The following NOVA1 variants were observed in gnomAD, a reference collection of about 807,000 sequenced individuals.
NOVA1 encodes the protein NOVA alternative splicing regulator 1, also known as RNA-binding protein Nova-1.
A neutral mutation model predicts 38.0 loss-of-function variants in NOVA1; 7 were observed. The observed-to-expected ratio is 0.18, with a 90% CI of 0.10 to 0.35. The LOEUF is 0.35. NOVA1 is among the 10% of genes least tolerant of loss of function. The pLI is 1.00. For missense variants in NOVA1, 460 were observed against 616.0 expected (o/e 0.75, Z 2.68); for synonymous variants, 270 against 232.5 (o/e 1.16, Z -1.47).
chr14:26,505,140 T>C (rs536902458), intron 2 of NOVA1, among the ~76,000 whole-genome samples: 30 of 152,264 alleles, frequency 2.0e-4, no homozygotes, highest in South Asian at 4.1e-4. Flanking sequence ...CAAAACATTA[T>C]TACATATGTA....
At chr14:26,555,345 T>C (rs1420902349) in intron 2 of NOVA1, among the ~76,000 whole-genome samples, 1 of 152,116 alleles carries the variant, frequency 6.6e-6, no homozygotes, top group African/African-American at 2.4e-5. Context: ...ATGCATGGCC[T>C]TGTCTCTTTT....
intron 2 of NOVA1, among the ~76,000 whole-genome samples, chr14:26,503,851 T>C (rs1294339298): frequency 6.6e-6 from 1 of 152,036 alleles, no homozygotes; most frequent in Non-Finnish European, 1.5e-5. Context: ...ATGAATGAAA[T>C]GAAAAAATTT....
At chr14:26,534,721 C>T (rs1889951599) in intron 2 of NOVA1, among the ~76,000 whole-genome samples, 1 of 152,066 alleles carries the variant, frequency 6.6e-6, no homozygotes, top group South Asian at 2.1e-4. Flanking sequence ...AGGAGACCTA[C>T]AGATGTGCCT....
At chr14:26,503,916 T>A (rs950333162) in intron 2 of NOVA1, among the ~76,000 whole-genome samples, 18 of 152,232 alleles carry the variant, frequency 1.2e-4, no homozygotes, top group African/African-American at 4.1e-4. Context: ...GTATGTTTGG[T>A]GCTTCTTTAA....
intron 3 of NOVA1, among the ~76,000 whole-genome samples, chr14:26,476,407 T>G (rs1009477263): frequency 6.6e-6 from 1 of 152,198 alleles, no homozygotes; most frequent in Non-Finnish European, 1.5e-5. Flanking sequence ...AGGATGTCCT[T>G]TGATTAGACA....
intron 4 of NOVA1, among the ~76,000 whole-genome samples, chr14:26,453,325 A>G (rs1032487309): frequency 2.2e-4 from 34 of 152,166 alleles, no homozygotes; most frequent in African/African-American, 7.7e-4. Flanking sequence ...CACCTGGTTC[A>G]GCCTCCTGAG....
intron 4 of NOVA1, among the ~76,000 whole-genome samples, chr14:26,455,151 T>C (rs1262284700): frequency 6.6e-6 from 1 of 152,116 alleles, no homozygotes; most frequent in Non-Finnish European, 1.5e-5. Context: ...GCAGAACAGT[T>C]TTCATAGCAT....
At chr14:26,539,458 A>C (rs1890311840) in intron 2 of NOVA1, among the ~76,000 whole-genome samples, 1 of 152,172 alleles carries the variant, frequency 6.6e-6, no homozygotes, top group South Asian at 2.1e-4. Flanking sequence ...ACTGACTTGA[A>C]AAGTTCTTTT....
intron 2 of NOVA1, among the ~76,000 whole-genome samples, chr14:26,502,326 T>C (rs1187076043): frequency 6.6e-6 from 1 of 151,870 alleles, no homozygotes; most frequent in Non-Finnish European, 1.5e-5. Context: ...GACTTTGGGA[T>C]CTTAATTTAA....
At chr14:26,546,413 CTATT>C (rs1890791835) in intron 2 of NOVA1, among the ~76,000 whole-genome samples, 1 of 151,966 alleles carries the variant, frequency 6.6e-6, no homozygotes, top group Non-Finnish European at 1.5e-5. Flanking sequence ...AAAAAATTAT[CTATT>C]TGAGAGGGAT....
chr14:26,521,964 G>A (rs994410103), intron 2 of NOVA1, among the ~76,000 whole-genome samples: 2 of 151,996 alleles, frequency 1.3e-5, no homozygotes, highest in African/African-American at 2.4e-5. Context: ...CAAAGTCAGT[G>A]TTCCTTATCA....
At position 26,487,631 on chromosome 14, in the gene NOVA1, TCCTAAGAATGTAATATTAGG is replaced by T. The variant is rs1886021486; in HGVS notation, c.281-7508_281-7489del. ...ATTTTTTATCATTATACCACATACCTCCTAAGAATGTAATATTAGGCCAGATAGCAAATTTAACACATTTA... is the reference window on the plus strand; with the variant it reads ...ATTTTTTATCATTATACCACATACCTCCAGATAGCAAATTTAACACATTTA... On this transcript the variant is annotated intron_variant, in intron 2 of 4. Coordinates refer to ENST00000539517, the MANE Select transcript of NOVA1 (RefSeq NM_002515.3). Among the ~76,000 whole-genome samples, 3 of 152,222 alleles carry T rather than the reference TCCTAAGAATGTAATATTAGG, an allele frequency of 2.0e-5. No individual in the cohort carries two copies. In the South Asian group the frequency reaches 6.2e-4, roughly 32 times the overall value.
intron 2 of NOVA1, among the ~76,000 whole-genome samples, chr14:26,581,652 T>C (rs1391139848): frequency 6.6e-6 from 1 of 151,976 alleles, no homozygotes; most frequent in East Asian, 1.9e-4. Flanking sequence ...TGGCAAAATT[T>C]TTGTAGGATT....
intron 2 of NOVA1, among the ~76,000 whole-genome samples, chr14:26,501,907 A>T (rs561589758): frequency 6.6e-6 from 1 of 152,128 alleles, no homozygotes; most frequent in Admixed American, 6.5e-5. Flanking sequence ...AATAAAGATA[A>T]GGAATAAACT....
chr14:26,519,881 T>C (rs927761330), intron 2 of NOVA1, among the ~76,000 whole-genome samples: 2 of 152,110 alleles, frequency 1.3e-5, no homozygotes, highest in African/African-American at 4.8e-5. Flanking sequence ...CAGAAAAAAG[T>C]TATGTTAAAT....
At chr14:26,488,678 T>C (rs568229580) in intron 2 of NOVA1, among the ~76,000 whole-genome samples, 3 of 152,336 alleles carry the variant, frequency 2.0e-5, no homozygotes, top group African/African-American at 7.2e-5. Flanking sequence ...TATAACCTTT[T>C]AATTTCCACA....
At chr14:26,550,772 G>C (rs1891109907) in intron 2 of NOVA1, among the ~76,000 whole-genome samples, 1 of 152,022 alleles carries the variant, frequency 6.6e-6, no homozygotes, top group African/African-American at 2.4e-5. Flanking sequence ...TTGTGACAAA[G>C]TCCAACAAAC....
chr14:26,597,161 G>A, intron 1 of NOVA1, 140 bp downstream of exon 1: 1 of 1,187,318 alleles, frequency 8.4e-7, no homozygotes, highest in Non-Finnish European at 1.1e-6. Context: ...GGGCAGGGGC[G>A]CAGGGGCCGC....
chr14:26,483,992 A>AT (rs977699366), intron 2 of NOVA1, among the ~76,000 whole-genome samples: 43 of 151,340 alleles, frequency 2.8e-4, no homozygotes, highest in African/African-American at 7.8e-4. Context: ...AGAAAGTGTC[A>AT]TTTTTTTTTC....
Sources: allele counts gnomAD v4.1 joint callset (sites outside exome capture counted in the v4.1 genomes callset), GRCh38; gene constraint gnomAD v4.1.1; transcripts MANE v1.5; gene names NCBI Gene and HGNC (gene_info 2026-07-23, HGNC 2026-07-21).